The following SLC6A5 variants were observed in gnomAD, a reference collection of about 807,000 sequenced individuals.
SLC6A5 encodes sodium- and chloride-dependent glycine transporter 2.
Under a neutral mutation model 90.5 loss-of-function variants are expected in SLC6A5, and 58 were observed. The ratio of observed to expected loss-of-function variants is 0.64; its 90% confidence interval spans 0.52 to 0.80. The LOEUF (loss-of-function observed/expected upper bound fraction) is 0.80, where lower values mean the gene tolerates loss of function less well. Ranked by LOEUF, SLC6A5 falls within the 30% of genes least tolerant of loss-of-function variation. The pLI is 0.00. For synonymous variants in SLC6A5, 427 were observed against 401.4 expected, an observed-to-expected ratio of 1.06 and a Z score of -0.76; for missense variants, 1,015 against 1,017.6, an observed-to-expected ratio of 1.00 and a Z score of 0.03.
intron 2 of SLC6A5, among the ~76,000 whole-genome samples, 153 bp downstream of exon 2, chr11:20,601,818 G>T (rs974774064): frequency 3.9e-5 from 6 of 152,232 alleles, no homozygotes; most frequent in Non-Finnish European, 5.9e-5. Context: ...GGCTTCGGAA[G>T]CTCGCACTGC....
intron 4 of SLC6A5, 88 bp downstream of exon 4, chr11:20,607,226 C>T: frequency 1.3e-6 from 2 of 1,507,864 alleles, no homozygotes; most frequent in Non-Finnish European, 9.0e-7. Flanking sequence ...GGAGACCTGC[C>T]TTTGTGGTTA....
intron 14 of SLC6A5, among the ~76,000 whole-genome samples, chr11:20,650,253 G>A (rs551474559): frequency 1.5e-4 from 23 of 152,270 alleles, no homozygotes; most frequent in South Asian, 4.2e-4. Context: ...ACTTTTCAGG[G>A]AAATTTTCCC....
At chr11:20,633,692 C>T (rs1853148755) in intron 10 of SLC6A5, among the ~76,000 whole-genome samples, 1 of 152,164 alleles carries the variant, frequency 6.6e-6, no homozygotes, top group South Asian at 2.1e-4. Flanking sequence ...TTTCTGAGTT[C>T]ATAGTATGTC....
chr11:20,636,619 G>C (rs916681191), intron 11 of SLC6A5, among the ~76,000 whole-genome samples, 200 bp downstream of exon 11: 6 of 152,264 alleles, frequency 3.9e-5, no homozygotes, highest in Admixed American at 2.6e-4. Context: ...TGGTGCAAGA[G>C]AGTCATCCTC....
chr11:20,615,653 C>G (rs1306059490), intron 6 of SLC6A5, among the ~76,000 whole-genome samples: 1 of 152,224 alleles, frequency 6.6e-6, no homozygotes, highest in African/African-American at 2.4e-5. Flanking sequence ...AGGCGTGAGC[C>G]ACTGCACCCA....
At chr11:20,630,615 A>T in intron 9 of SLC6A5, 76 bp from the exon 10 acceptor site, 1 of 1,547,220 alleles carries the variant, frequency 6.5e-7, no homozygotes, top group East Asian at 2.2e-5. Flanking sequence ...GTGGGCACAC[A>T]TTTGTGTGTC....
chr11:20,655,360 G>T lies in SLC6A5; in HGVS notation c.*492G>T. On this transcript the variant is annotated 3_prime_UTR_variant, in exon 16 of 16. Coordinates refer to ENST00000525748, the MANE Select transcript of SLC6A5 (RefSeq NM_004211.5). ...TTTTTCAGAGAGTTAGCAGTGGTCA[G>T]AAAATGTTTTGGATGTAAGACAAGA... The T allele has an allele frequency of 4.9e-6, 1 of 202,236 alleles. No individual in the cohort carries two copies. Among genetic ancestry groups the T allele is most frequent in the Non-Finnish European group, 1.0e-5 (1 of 97,626 alleles). 12.5% of individuals were successfully genotyped at this position (202,236 alleles called of 1,614,324 possible).
At position 20,639,954 on chromosome 11, in the gene SLC6A5, C is replaced by T. The variant is rs149126826; in HGVS notation, c.1969+1396C>T. The stretch of plus-strand genomic sequence containing the variant: ...GGCTGATAAGACCGCCTAGATCCTG[C>T]AGTGATTGAAGACCTGCTGTCGGAG... On this transcript the variant is annotated intron_variant, in intron 13 of 15. Transcript: ENST00000525748. 4.6e-5 allele frequency among the ~76,000 whole-genome samples: 7 copies of T among 152,296 alleles called. No homozygotes were observed. The East Asian group carries it at 1.4e-3, about 29-fold the overall frequency.
intron 5 of SLC6A5, among the ~76,000 whole-genome samples, chr11:20,612,085 G>T (rs1852704333): frequency 6.6e-6 from 1 of 152,192 alleles, no homozygotes; most frequent in Non-Finnish European, 1.5e-5. Flanking sequence ...TTGGTCTAAA[G>T]AACTACTGAA....
At chr11:20,628,831 C>A (rs1050682460) in intron 9 of SLC6A5, among the ~76,000 whole-genome samples, 3 of 152,160 alleles carry the variant, frequency 2.0e-5, no homozygotes, top group Admixed American at 1.3e-4. Flanking sequence ...AATCTAGATT[C>A]ATATCCTGGC....
At chr11:20,634,029 G>A (rs534154950) in intron 10 of SLC6A5, among the ~76,000 whole-genome samples, 9 of 152,150 alleles carry the variant, frequency 5.9e-5, no homozygotes, top group Non-Finnish European at 1.3e-4. Context: ...CCCCCACTAC[G>A]CCCGGCTAAT....
intron 3 of SLC6A5, 134 bp downstream of exon 3, chr11:20,604,558 C>G: frequency 2.7e-6 from 3 of 1,107,502 alleles, no homozygotes; most frequent in Non-Finnish European, 2.6e-6. Context: ...AGCCCTACAC[C>G]TCGTAGGCTT....
chr11:20,640,725 T>C (rs1853297106), intron 13 of SLC6A5, among the ~76,000 whole-genome samples: 1 of 150,398 alleles, frequency 6.6e-6, no homozygotes, highest in Non-Finnish European at 1.5e-5. Context: ...GAAAAAAGCC[T>C]GCACAAATCT....
Position 20,604,306 on chromosome 11 carries a change from G to A in SLC6A5, c.561G>A (p.Glu187=), listed in dbSNP as rs1852534192. 10 of 1,613,342 alleles carry A rather than the reference G, an allele frequency of 6.2e-6. No individual in the cohort carries two copies. The highest frequency in any genetic ancestry group is 2.7e-5 in the African/African-American group (2 of 74,916). The change falls in exon 3 of 16, where the codon GAG becomes GAA. Residue 187 remains glutamate, a synonymous_variant. Transcript: ENST00000525748. ...VATQEDEQGD[E]NKARGNWSSK... Reference sequence around the variant, plus strand: ...CCCAGGAGGACGAGCAAGGGGATGAGAATAAGGCCCGAGGGAACTGGTCCA... The same window carrying A: ...CCCAGGAGGACGAGCAAGGGGATGAAAATAAGGCCCGAGGGAACTGGTCCA...
intron 13 of SLC6A5, among the ~76,000 whole-genome samples, chr11:20,643,270 C>T (rs1215780189): frequency 6.6e-6 from 1 of 150,482 alleles, no homozygotes; most frequent in Non-Finnish European, 1.5e-5. Flanking sequence ...GCTGTTGGTG[C>T]TTTATATATA....
Position 20,625,840 on chromosome 11 carries a change from T to C in SLC6A5, c.1261-868T>C, listed in dbSNP as rs2105804. Among the ~76,000 whole-genome samples the C allele has an allele frequency of 7.8e-3, 1,184 of 152,324 alleles. 10 individuals carry two copies. The highest frequency in any genetic ancestry group is 0.028 in the African/African-American group (1,143 of 41,562). On this transcript the variant is annotated intron_variant, in intron 7 of 15. Coordinates refer to ENST00000525748, the MANE Select transcript of SLC6A5 (RefSeq NM_004211.5). ...AGTGTCATCTCCATGAACGTCTTAG[T>C]AGACGCCCAGGTTGGGCACAATGCC...
intron 6 of SLC6A5, 150 bp from the exon 7 acceptor site, chr11:20,617,602 T>C (rs1203413528): frequency 2.8e-6 from 2 of 714,540 alleles, no homozygotes; most frequent in African/African-American, 3.5e-5. Flanking sequence ...CACAGCCTGA[T>C]GTGATTAGGT....
chr11:20,630,714 C>T lies in SLC6A5; in HGVS notation c.1523C>T (p.Thr508Ile), dbSNP rs143730018. The change falls in exon 10 of 16, where the codon ACC becomes ATC. Residue 508 changes from threonine to isoleucine, a missense_variant. Transcript: ENST00000525748. ...AGGGACACTCTAATTGTCACCTGCA[C>T]CAACAGTGCCACAAGCATCTTTGCC... is the stretch of plus-strand genomic sequence containing the variant. The part of the protein sequence containing the change: ...CYRDTLIVTC[T>I]NSATSIFAGF... 15 of 1,614,142 alleles carry T rather than the reference C, an allele frequency of 9.3e-6. No individual in the cohort carries two copies. The highest frequency in any genetic ancestry group is 8.3e-5 in the Admixed American group (5 of 60,016).
intron 3 of SLC6A5, among the ~76,000 whole-genome samples, chr11:20,606,602 G>A (rs1043353107): frequency 2.0e-5 from 3 of 152,080 alleles, no homozygotes; most frequent in Non-Finnish European, 4.4e-5. Flanking sequence ...TTTGGGTCCT[G>A]GGAGGGCTGA....
Sources: allele counts gnomAD v4.1 joint callset (sites outside exome capture counted in the v4.1 genomes callset), GRCh38; gene constraint gnomAD v4.1.1; transcripts MANE v1.5; gene names NCBI Gene and HGNC (gene_info 2026-07-23, HGNC 2026-07-21).